Variants in TAS2R30 observed in about 807,000 individuals in gnomAD.
TAS2R30 encodes taste receptor type 2 member 30.
For synonymous variants in TAS2R30, 141 were observed against 131.6 expected, an observed-to-expected ratio of 1.07 and a Z score of -0.49; for missense variants, 395 against 371.6, an observed-to-expected ratio of 1.06 and a Z score of -0.52.
In TAS2R30 at chr12:11,134,164, T is replaced by C. The variant is rs1412414947; in HGVS notation, c.81A>G (p.Ile27Met). 11 of 1,613,896 alleles carry C rather than the reference T, an allele frequency of 6.8e-6. No homozygotes were observed. The highest frequency in any genetic ancestry group is 6.7e-5 in the African/African-American group (5 of 74,936). The change falls in exon 1 of 1, where the codon ATA becomes ATG. Residue 27 changes from isoleucine to methionine, a missense_variant. Ile to Met is a conservative substitution (Grantham distance 10). Transcript: ENST00000539585. Reference sequence around the variant, plus strand: ...CCCACTCAATGGAATTTACCAATGCTATGAAGCCATTAGCAAAATTTCCAA... The same window carrying C: ...CCCACTCAATGGAATTTACCAATGCCATGAAGCCATTAGCAAAATTTCCAA...
chr12:11,134,337 C>G, exon 1 of TAS2R30: 1 of 1,244,960 alleles, frequency 8.0e-7, no homozygotes, highest in Non-Finnish European at 1.1e-6. Context: ...CTATATGCAC[C>G]TGATTTGTGT....
chr12:11,133,537 C>G (rs766828993), exon 1 of TAS2R30: 1 of 1,565,510 alleles, frequency 6.4e-7, no homozygotes, highest in East Asian at 2.3e-5. Flanking sequence ...TGGCACATAA[C>G]AGAAGAAAGG....
exon 1 of TAS2R30, chr12:11,134,227 G>A (rs1188521705): frequency 1.2e-6 from 2 of 1,612,572 alleles, no homozygotes; most frequent in African/African-American, 1.3e-5. Context: ...AAAAAATGAT[G>A]GGCAGAAAAG....
Position 11,133,147 on chromosome 12 carries a change from A to G in TAS2R30, c.*138T>C. 3.2e-6 allele frequency: 3 copies of G among 933,450 alleles called. 1 individual carries two copies. In the South Asian group the frequency reaches 6.4e-5, roughly 20 times the overall value. 57.8% of individuals were successfully genotyped at this position (933,450 alleles called of 1,614,324 possible). ...CACACACACACACACACACACATCT[A>G]TATATATGTACTTTTCTAGACTAAC... On this transcript the variant is annotated 3_prime_UTR_variant, in exon 1 of 1. Coordinates refer to ENST00000539585, the Ensembl canonical transcript of TAS2R30.
chr12:11,134,166 T>C (rs1946477762), exon 1 of TAS2R30: 3 of 1,613,864 alleles, frequency 1.9e-6, no homozygotes, highest in Admixed American at 1.7e-5. Flanking sequence ...ACCAATGCTA[T>C]GAAGCCATTA....
exon 1 of TAS2R30, chr12:11,134,142 A>G: frequency 6.2e-7 from 1 of 1,614,110 alleles, no homozygotes; most frequent in Non-Finnish European, 8.5e-7. Context: ...CTCTTGACCC[A>G]CTCAATGGAA....
chr12:11,133,815 G>C (rs1253673878), exon 1 of TAS2R30: 2 of 1,614,078 alleles, frequency 1.2e-6, no homozygotes, highest in East Asian at 2.2e-5. Context: ...ATCACAAAAA[G>C]ATGACAAACC....
rs1946487515 is a variant in TAS2R30, at chr12:11,134,413, C to T, written c.-169G>A. On this transcript the variant is annotated 5_prime_UTR_variant, in exon 1 of 1. An upstream start codon of the reference 5' UTR is lost. Coordinates refer to ENST00000539585, the Ensembl canonical transcript of TAS2R30. ...AGTGTCAAGTCAGAAATCACCATGG[C>T]ATGCTAATGGATAAGTTCAATGCTC... 1.5e-5 allele frequency: 12 copies of T among 819,792 alleles called. No homozygotes were observed. The highest frequency in any genetic ancestry group is 2.0e-5 in the Non-Finnish European group (11 of 541,142). The allele number at this position is 819,792 out of a possible 1,614,324, so 50.8% of individuals were successfully genotyped here.
chr12:11,133,216 A>G, exon 1 of TAS2R30: 2 of 1,524,972 alleles, frequency 1.3e-6, no homozygotes, highest in East Asian at 2.3e-5. Flanking sequence ...GAAATTATTC[A>G]TATACATATA....
chr12:11,133,196 T>C (rs1435154717), exon 1 of TAS2R30: 2 of 1,487,032 alleles, frequency 1.3e-6, no homozygotes, highest in East Asian at 2.3e-5. Flanking sequence ...CTTTTCTAGG[T>C]ATACATGTGG....
chr12:11,133,732 T>C (rs753372841), exon 1 of TAS2R30: 4 of 1,614,068 alleles, frequency 2.5e-6, no homozygotes, highest in African/African-American at 2.7e-5. Flanking sequence ...AATGGTACAT[T>C]GCACTCCTCA....
exon 1 of TAS2R30, chr12:11,133,627 G>C (rs1005023446): frequency 7.4e-6 from 12 of 1,614,150 alleles, no homozygotes; most frequent in Non-Finnish European, 1.0e-5. Context: ...GCATCTTCTT[G>C]AGATGTTTAC....
chr12:11,133,659 G>T (rs776767661), exon 1 of TAS2R30: 2 of 1,614,144 alleles, frequency 1.2e-6, no homozygotes, highest in African/African-American at 2.7e-5. Context: ...ATTAACAGCA[G>T]AAAAGATATC....
At chr12:11,133,491 A>G in exon 1 of TAS2R30, 1 of 1,614,134 alleles carries the variant, frequency 6.2e-7, no homozygotes, top group Non-Finnish European at 8.5e-7. Flanking sequence ...AGCCTCCCAA[A>G]ATTACAAACT....
exon 1 of TAS2R30, chr12:11,133,547 G>A (rs1235135834): frequency 8.7e-6 from 14 of 1,614,172 alleles, no homozygotes; most frequent in Non-Finnish European, 1.2e-5. Flanking sequence ...CAGAAGAAAG[G>A]AGGTCACAGT....
exon 1 of TAS2R30, chr12:11,134,027 G>A: frequency 1.2e-6 from 2 of 1,614,028 alleles, no homozygotes; most frequent in South Asian, 2.2e-5. Flanking sequence ...ATAAAAAGCT[G>A]GATTCAACTG....
exon 1 of TAS2R30, chr12:11,133,775 T>A (rs749498965): frequency 3.1e-6 from 5 of 1,614,078 alleles, no homozygotes; most frequent in Non-Finnish European, 2.5e-6. Context: ...TCCTTCATAT[T>A]CTTTTGTCCA....
chr12:11,133,231 A>C (rs1946425636), exon 1 of TAS2R30: 1 of 1,539,540 alleles, frequency 6.5e-7, no homozygotes, highest in Non-Finnish European at 8.7e-7. Flanking sequence ...CATATATTAC[A>C]GAAAACCCAG....
rs772480907 is a variant in TAS2R30, at chr12:11,133,882, T to C, written c.363A>G (p.Ile121Met). 6.2e-6 allele frequency: 10 copies of C among 1,614,010 alleles called. No individual in the cohort carries two copies. The highest frequency in any genetic ancestry group is 1.7e-5 in the Admixed American group (1 of 59,980). Residue 121 changes from isoleucine (I) to methionine (M), a missense_variant, in exon 1 of 1, where the codon ATA (isoleucine) becomes ATG (methionine). Coordinates refer to ENST00000539585, the Ensembl canonical transcript of TAS2R30. Reference sequence around the variant, plus strand: ...GAACAACACTCTTAACTCTCCTCTTTATGCGAAGAAAAATAAGGTTGGAGA... The same window carrying C: ...GAACAACACTCTTAACTCTCCTCTTCATGCGAAGAAAAATAAGGTTGGAGA...
Sources: allele counts gnomAD v4.1 joint callset, GRCh38; gene constraint gnomAD v4.1.1; transcripts MANE v1.5; gene names NCBI Gene and HGNC (gene_info 2026-07-23, HGNC 2026-07-21).